NBPF8: variants seen among roughly 807,000 people sequenced by gnomAD.
The protein encoded by NBPF8 is NBPF member 8.
At chr1:120,449,452 TTC>T (rs782103589) in intron 11 of NBPF8, 50 bp downstream of exon 9, 2 of 1,408,234 alleles carry the variant, frequency 1.4e-6, no homozygotes, top group South Asian at 1.2e-5. Context: ...ATATCCTGTC[TTC>T]TCTCTGAGAC....
At chr1:120,418,553 A>G (rs200814233), upstream of NBPF8, among the ~76,000 whole-genome samples, 186 of 149,412 alleles carry the variant, frequency 1.2e-3, 3 homozygotes, top group African/African-American at 4.5e-3. Context: ...ACATCGAACA[A>G]TTTTTTTTTT....
At chr1:120,415,415 C>T (rs1388708917), upstream of NBPF8, among the ~76,000 whole-genome samples, 12 of 152,032 alleles carry the variant, frequency 7.9e-5, no homozygotes, top group African/African-American at 2.2e-4. Flanking sequence ...GCGTGTGTTC[C>T]GGCCCCGCCG....
chr1:120,415,633 C>T (rs1267117249), upstream of NBPF8, among the ~76,000 whole-genome samples: 7 of 152,340 alleles, frequency 4.6e-5, no homozygotes, highest in African/African-American at 1.4e-4. Context: ...TCAGTTGCCT[C>T]TGGGGACCTG....
intron 22 of NBPF8, 118 bp from the exon 21 acceptor site, chr1:120,464,258 A>G (rs1661678519): frequency 3.1e-6 from 2 of 647,970 alleles, no homozygotes; most frequent in African/African-American, 4.1e-5. Context: ...TTACCTCATT[A>G]ATGGATCTAT....
chr1:120,431,535 C>T (rs1489702830), upstream of NBPF8, among the ~76,000 whole-genome samples: 5 of 151,622 alleles, frequency 3.3e-5, no homozygotes, highest in African/African-American at 9.7e-5. Flanking sequence ...GGAAAAGATG[C>T]TCCACTGTTT....
chr1:120,425,407 A>G (rs1430437676), intron 1 of NBPF8, among the ~76,000 whole-genome samples: 4 of 152,090 alleles, frequency 2.6e-5, no homozygotes, highest in African/African-American at 9.7e-5. Context: ...TATGCACATC[A>G]AAAGCACAGC....
chr1:120,434,100 CGCT>C (rs1415397615), upstream of NBPF8: 4 of 153,306 alleles, frequency 2.6e-5, no homozygotes, highest in African/African-American at 9.7e-5. Flanking sequence ...CTCCTCTGGT[CGCT>C]GCTGCTGGGG....
At chr1:120,460,925 C>A (rs1241099737) in intron 18 of NBPF8, among the ~76,000 whole-genome samples, 1 of 151,862 alleles carries the variant, frequency 6.6e-6, no homozygotes, top group Non-Finnish European at 1.5e-5. Flanking sequence ...TTTTCATGAT[C>A]ACTGTTCACT....
chr1:120,454,357 G>T (rs1661374845), intron 15 of NBPF8, among the ~76,000 whole-genome samples: 1 of 152,066 alleles, frequency 6.6e-6, no homozygotes, highest in Non-Finnish European at 1.5e-5. Flanking sequence ...TGCAGGAGGT[G>T]CACAGGCAGT....
intron 3 of NBPF8, among the ~76,000 whole-genome samples, chr1:120,430,840 T>G (rs1165018721): frequency 1.3e-5 from 2 of 151,144 alleles, no homozygotes; most frequent in African/African-American, 4.9e-5. Context: ...TTTAAGAAAT[T>G]ATGAAAGAAC....
rs1226887317 is a variant in NBPF8, at chr1:120,425,366, C to A, written n.270-381C>A. Among the ~76,000 whole-genome samples, 10 of 152,086 alleles carry A rather than the reference C, an allele frequency of 6.6e-5. No individual in the cohort carries two copies. The East Asian group carries it at 1.9e-3, about 29-fold the overall frequency. On this transcript the variant is annotated intron_variant and non_coding_transcript_variant, in intron 1 of 28. Transcript: ENST00000652355. ...GAGGTGGGACATGCTGGCAGCAATACTGCTCTTTAAGGCATTGAGATGTTT... is the reference window on the plus strand; with the variant it reads ...GAGGTGGGACATGCTGGCAGCAATAATGCTCTTTAAGGCATTGAGATGTTT...
rs782413467 is a variant in NBPF8 at position 120,449,415 on chromosome 1, G to A, written n.1971+13G>A. ...CAGAACAAATACAGTAAGATCTACAGGCTCACCATCATGAAAGTGATGAAT... is the reference window on the plus strand; with the variant it reads ...CAGAACAAATACAGTAAGATCTACAAGCTCACCATCATGAAAGTGATGAAT... On this transcript the variant is annotated intron_variant and non_coding_transcript_variant, in intron 11 of 24. Coordinates refer to ENST00000583271, the Ensembl canonical transcript of NBPF8. 5 of 1,469,262 alleles carry A rather than the reference G, an allele frequency of 3.4e-6. No homozygotes were observed. Among genetic ancestry groups the A allele is most frequent in the Non-Finnish European group, 4.8e-6 (5 of 1,048,520 alleles). The allele number at this position is 1,469,262 out of a possible 1,614,324, so 91.0% of individuals were successfully genotyped here.
chr1:120,430,883 T>A (rs143975730), intron 3 of NBPF8, among the ~76,000 whole-genome samples: 2,773 of 151,504 alleles, frequency 0.018, 45 homozygotes, highest in East Asian at 0.085. Flanking sequence ...TTGTCATGGA[T>A]CAGAAGAGTT....
chr1:120,460,581 T>G (rs1661553590), exon 18 of NBPF8: 2 of 1,448,004 alleles, frequency 1.4e-6, no homozygotes, highest in South Asian at 2.3e-5. Context: ...AGGACATCGG[T>G]GGGATCAAGT....
At chr1:120,466,131 C>G in exon 25 of NBPF8, 1 of 1,610,694 alleles carries the variant, frequency 6.2e-7, no homozygotes. Flanking sequence ...AGCACATCAG[C>G]TTTGCCCTTG....
intron 19 of NBPF8, 65 bp downstream of exon 17, chr1:120,461,491 C>T: frequency 2.2e-6 from 1 of 457,136 alleles, no homozygotes; most frequent in East Asian, 4.6e-5. Context: ...CATATTCCTA[C>T]TGCAAGTGGC....
upstream of NBPF8, among the ~76,000 whole-genome samples, chr1:120,415,373 C>T (rs1320826871): frequency 9.5e-5 from 12 of 126,610 alleles, no homozygotes; most frequent in Non-Finnish European, 2.0e-4. Context: ...TTGCGAGCGA[C>T]GGAGGGCGAG....
chr1:120,432,920 C>T (rs1163491305), upstream of NBPF8: 5 of 151,586 alleles, frequency 3.3e-5, no homozygotes, highest in Admixed American at 6.6e-5. Flanking sequence ...TTGATTTCAT[C>T]ATCTTAATTT....
chr1:120,436,677 C>T (rs182529635), exon 1 of NBPF8: 27,371 of 1,492,182 alleles, frequency 0.018, 313 homozygotes, highest in African/African-American at 0.035. Context: ...GGCTTCCTGG[C>T]CAACCGACAG....
Sources: allele counts gnomAD v4.1 joint callset (sites outside exome capture counted in the v4.1 genomes callset), GRCh38; gene constraint gnomAD v4.1.1; transcripts MANE v1.5; gene names NCBI Gene and HGNC (gene_info 2026-07-23, HGNC 2026-07-21).